Variants in NOS1AP observed in about 807,000 individuals in gnomAD.
NOS1AP encodes the protein carboxyl-terminal PDZ ligand of neuronal nitric oxide synthase protein.
NOS1AP carries 21 observed loss-of-function variants against 56.2 expected under a neutral mutation model. The ratio of observed to expected loss-of-function variants is 0.37; its 90% confidence interval spans 0.26 to 0.54. The LOEUF (loss-of-function observed/expected upper bound fraction) is 0.54, where lower values mean the gene tolerates loss of function less well. NOS1AP is among the 20% of genes least tolerant of loss of function. NOS1AP has a pLI of 0.84. For synonymous variants in NOS1AP, 270 were observed against 274.6 expected, an observed-to-expected ratio of 0.98 and a Z score of 0.17; for missense variants, 522 against 657.8, an observed-to-expected ratio of 0.79 and a Z score of 2.26.
intron 2 of NOS1AP, among the ~76,000 whole-genome samples, chr1:162,249,443 A>T (rs745711320): frequency 2.0e-5 from 3 of 152,202 alleles, no homozygotes; most frequent in Non-Finnish European, 2.9e-5. Context: ...GCAGCTTGTA[A>T]GAATCCCTTT....
At chr1:162,133,573 T>C (rs541199746) in intron 1 of NOS1AP, among the ~76,000 whole-genome samples, 31 of 152,362 alleles carry the variant, frequency 2.0e-4, no homozygotes, top group African/African-American at 7.0e-4. Flanking sequence ...TGTTTATTCT[T>C]CTATCCCTTT....
intron 6 of NOS1AP, among the ~76,000 whole-genome samples, chr1:162,352,338 C>T (rs1571239118): frequency 2.6e-5 from 4 of 151,984 alleles, no homozygotes; most frequent in East Asian, 3.9e-4. Flanking sequence ...GAATTATAGG[C>T]GTGAGCCACC....
chr1:162,217,382 G>C (rs1290723255), intron 2 of NOS1AP, among the ~76,000 whole-genome samples: 3 of 150,668 alleles, frequency 2.0e-5, no homozygotes, highest in East Asian at 4.0e-4. Flanking sequence ...TCCTGTCTCA[G>C]CCTCCTGAGT....
intron 2 of NOS1AP, among the ~76,000 whole-genome samples, chr1:162,209,463 G>A (rs1221579929): frequency 4.6e-5 from 7 of 152,190 alleles, no homozygotes; most frequent in Admixed American, 3.9e-4. Context: ...ACCTCTGGAT[G>A]TGAGGAGAGC....
Position 162,281,580 on chromosome 1 carries a change from TCAAGAATAAA to T in NOS1AP, c.178-5758_178-5749del, listed in dbSNP as rs1290830455. ...CTGTGTAGAAGTGTGAGCAGATATT[TCAAGAATAAA>T]CAAGAGTTCACCAGGCAGATGGTGT... On this transcript the variant is annotated intron_variant, in intron 2 of 9. Transcript: ENST00000361897. Among the ~76,000 whole-genome samples the T allele has an allele frequency of 7.2e-5, 11 of 152,248 alleles. No individual in the cohort carries two copies. In the East Asian group the frequency reaches 2.1e-3, roughly 29 times the overall value.
intron 2 of NOS1AP, among the ~76,000 whole-genome samples, chr1:162,198,413 A>G (rs1651877512): frequency 6.6e-6 from 1 of 152,116 alleles, no homozygotes; most frequent in African/African-American, 2.4e-5. Context: ...TAGTATCTGA[A>G]ATGCCCTGCA....
At chr1:162,300,769 C>A in intron 4 of NOS1AP, 63 bp downstream of exon 4, 1 of 1,431,076 alleles carries the variant, frequency 7.0e-7, no homozygotes, top group Non-Finnish European at 9.9e-7. Flanking sequence ...CCCCCTACAG[C>A]CACCTGTCAG....
intron 1 of NOS1AP, among the ~76,000 whole-genome samples, chr1:162,153,381 A>G (rs1649800997): frequency 1.3e-5 from 2 of 152,214 alleles, no homozygotes; most frequent in Non-Finnish European, 2.9e-5. Flanking sequence ...TCCTTGCCTC[A>G]GCCTCCCAAA....
chr1:162,184,742 C>T (rs1249177985), intron 2 of NOS1AP, among the ~76,000 whole-genome samples: 1 of 152,192 alleles, frequency 6.6e-6, no homozygotes, highest in East Asian at 1.9e-4. Context: ...CCCTGTTTTC[C>T]AGTAGTTCCC....
chr1:162,251,602 ATGTGTGTGTGTGTGTG>A (rs35955567), intron 2 of NOS1AP, among the ~76,000 whole-genome samples: 11 of 146,284 alleles, frequency 7.5e-5, no homozygotes, highest in African/African-American at 2.8e-4. Flanking sequence ...AAATATATAT[ATGTGTGTGTGTGTGTG>A]TGTGTGTGTG....
At chr1:162,309,072 A>T (rs2101764145) in intron 4 of NOS1AP, among the ~76,000 whole-genome samples, 1 of 152,348 alleles carries the variant, frequency 6.6e-6, no homozygotes, top group East Asian at 1.9e-4. Context: ...TTTTTGTTAT[A>T]AAAATTATGT....
At chr1:162,070,556 T>C (rs1320034428) in intron 1 of NOS1AP, among the ~76,000 whole-genome samples, 1 of 152,206 alleles carries the variant, frequency 6.6e-6, no homozygotes, top group Non-Finnish European at 1.5e-5. Context: ...TAGGACTGGA[T>C]TGAGTTACTT....
chr1:162,318,927 A>G (rs1366816641), intron 4 of NOS1AP, among the ~76,000 whole-genome samples: 1 of 152,036 alleles, frequency 6.6e-6, no homozygotes, highest in Admixed American at 6.6e-5. Context: ...GCTCAGAATC[A>G]TATCCTTCCC....
chr1:162,113,084 G>C (rs1647776388), intron 1 of NOS1AP, among the ~76,000 whole-genome samples: 1 of 152,146 alleles, frequency 6.6e-6, no homozygotes, highest in Non-Finnish European at 1.5e-5. Context: ...AGGGTGGTGG[G>C]GATAGGGGGT....
At chr1:162,347,050 T>C (rs2101810561) in intron 6 of NOS1AP, among the ~76,000 whole-genome samples, 1 of 152,318 alleles carries the variant, frequency 6.6e-6, no homozygotes, top group Admixed American at 6.5e-5. Context: ...GCTGGTCAAT[T>C]TTTAGAGCGT....
At chr1:162,154,572 A>G (rs572250803) in intron 2 of NOS1AP, 96 bp downstream of exon 2, 2 of 1,139,172 alleles carry the variant, frequency 1.8e-6, no homozygotes, top group South Asian at 1.3e-5. Flanking sequence ...ATGGATGGCT[A>G]CACCCCTTGC....
At chr1:162,316,087 T>G (rs1557875304) in intron 4 of NOS1AP, among the ~76,000 whole-genome samples, 2 of 152,206 alleles carry the variant, frequency 1.3e-5, no homozygotes, top group Admixed American at 6.5e-5. Context: ...AGACTTTTAT[T>G]CGGGACTGAG....
At chr1:162,237,858 T>G (rs1653354286) in intron 2 of NOS1AP, among the ~76,000 whole-genome samples, 1 of 109,954 alleles carries the variant, frequency 9.1e-6, no homozygotes, top group African/African-American at 2.7e-5. Flanking sequence ...CCAGTAGAAA[T>G]GGAAGTCATT....
intron 5 of NOS1AP, among the ~76,000 whole-genome samples, chr1:162,340,634 A>C (rs1657081287): frequency 6.6e-6 from 1 of 152,144 alleles, no homozygotes; most frequent in South Asian, 2.1e-4. Context: ...GCAGTTACAG[A>C]AATACCGTAG....
Sources: gnomAD v4.1 joint callset for allele counts (sites outside exome capture counted in the v4.1 genomes callset) on GRCh38, gnomAD v4.1.1 for gene constraint, MANE v1.5 for transcripts, NCBI Gene and HGNC (gene_info 2026-07-23, HGNC 2026-07-21) for gene names.